GALNT13: variants seen among roughly 807,000 people sequenced by gnomAD.
The protein encoded by GALNT13 is polypeptide N-acetylgalactosaminyltransferase 13.
In GALNT13, 28 loss-of-function variants were observed where a neutral mutation model predicts 64.2. The ratio of observed to expected loss-of-function variants is 0.44; its 90% CI spans 0.32 to 0.60. GALNT13 has a LOEUF of 0.60. GALNT13 is among the 20% of genes least tolerant of loss of function. The probability of loss-of-function intolerance (pLI) is 0.05; values close to 1 mark genes in which losing one functional copy is unlikely to be tolerated. For missense variants in GALNT13, 577 were observed against 669.8 expected (o/e 0.86, Z 1.53); for synonymous variants, 214 against 224.6 (o/e 0.95, Z 0.42).
chr2:154,393,733 C>T (rs1403337868), intron 9 of GALNT13, among the ~76,000 whole-genome samples: 5 of 152,158 alleles, frequency 3.3e-5, no homozygotes, highest in South Asian at 2.1e-4. Context: ...CCATTAGCCA[C>T]TTTTTGCCAA....
At chr2:153,107,269 A>G in the GALNT13 span, among the ~76,000 whole-genome samples, 2 of 152,170 alleles carry the variant, frequency 1.3e-5, no homozygotes, top group African/African-American at 4.8e-5. Context: ...CAGTTGAACA[A>G]TCAGATGTAG....
the GALNT13 span, chr2:153,158,858 C>T: frequency 6.6e-6 from 1 of 152,222 alleles, no homozygotes; most frequent in African/African-American, 2.4e-5. Context: ...TCTACATTAA[C>T]TGAGTTTCTG....
chr2:154,217,507 T>C (rs1688108596), intron 4 of GALNT13, among the ~76,000 whole-genome samples: 1 of 152,170 alleles, frequency 6.6e-6, no homozygotes, highest in African/African-American at 2.4e-5. Context: ...ATACTTTTTG[T>C]TTTGAATGAC....
chr2:153,842,175 G>C, the GALNT13 span, among the ~76,000 whole-genome samples: 21 of 151,986 alleles, frequency 1.4e-4, no homozygotes, highest in Non-Finnish European at 7.4e-5. Context: ...CAGCATCAGA[G>C]AACTAGCAAG....
chr2:153,405,501 A>G, the GALNT13 span, among the ~76,000 whole-genome samples: 1 of 152,206 alleles, frequency 6.6e-6, no homozygotes, highest in South Asian at 2.1e-4. Context: ...AAGGCTCCAC[A>G]GGTATCCTCA....
intron 9 of GALNT13, among the ~76,000 whole-genome samples, chr2:154,332,505 A>C (rs1175086118): frequency 3.9e-5 from 6 of 152,248 alleles, no homozygotes; most frequent in Non-Finnish European, 7.4e-5. Flanking sequence ...TGCATGGTTT[A>C]AAATGAAATT....
At chr2:153,237,818 A>G in the GALNT13 span, among the ~76,000 whole-genome samples, 5 of 152,148 alleles carry the variant, frequency 3.3e-5, no homozygotes, top group Admixed American at 2.6e-4. Flanking sequence ...TCTTTGATAT[A>G]ATAATTTCTT....
chr2:153,277,451 A>T, the GALNT13 span, among the ~76,000 whole-genome samples: 1 of 152,176 alleles, frequency 6.6e-6, no homozygotes, highest in African/African-American at 2.4e-5. Flanking sequence ...TACCCAGTGC[A>T]CCATTGATAG....
the GALNT13 span, among the ~76,000 whole-genome samples, chr2:153,084,134 CTATAGTGTTATAG>C: frequency 2.6e-5 from 4 of 152,156 alleles, no homozygotes; most frequent in Non-Finnish European, 2.9e-5. Flanking sequence ...GTTTTGGTAA[CTATAGTGTTATAG>C]TATAATTTGA....
chr2:153,823,586 A>AC, the GALNT13 span, among the ~76,000 whole-genome samples: 7 of 151,038 alleles, frequency 4.6e-5, no homozygotes, highest in South Asian at 2.1e-4. Flanking sequence ...ATCAAATTAG[A>AC]CCCCCAACCT....
chr2:154,158,634 G>T (rs1169013885), intron 4 of GALNT13, among the ~76,000 whole-genome samples: 1 of 152,130 alleles, frequency 6.6e-6, no homozygotes, highest in African/African-American at 2.4e-5. Flanking sequence ...GCAAGGTACA[G>T]GTGAACCATA....
At chr2:153,587,964 C>T in the GALNT13 span, among the ~76,000 whole-genome samples, 1 of 152,168 alleles carries the variant, frequency 6.6e-6, no homozygotes, top group African/African-American at 2.4e-5. Context: ...TTGGCCAAAA[C>T]AAAGGGGCTA....
At chr2:153,297,494 G>T in the GALNT13 span, among the ~76,000 whole-genome samples, 1 of 152,156 alleles carries the variant, frequency 6.6e-6, no homozygotes, top group Non-Finnish European at 1.5e-5. Flanking sequence ...ACAACAGGGA[G>T]GGAAAAGAAT....
chr2:153,663,661 T>G, the GALNT13 span, among the ~76,000 whole-genome samples: 3 of 152,166 alleles, frequency 2.0e-5, no homozygotes, highest in African/African-American at 7.2e-5. Context: ...GGGGACATCA[T>G]TGTGCTTATG....
At chr2:153,642,299 T>G in the GALNT13 span, among the ~76,000 whole-genome samples, 328 of 152,042 alleles carry the variant, frequency 2.2e-3, 2 homozygotes, top group Admixed American at 3.5e-3. Flanking sequence ...TTTGCTTGTG[T>G]GTGCACATAT....
At chr2:153,722,628 A>G in the GALNT13 span, among the ~76,000 whole-genome samples, 2 of 152,142 alleles carry the variant, frequency 1.3e-5, no homozygotes, top group African/African-American at 2.4e-5. Context: ...GGATATCACC[A>G]CCGATCCCAC....
At chr2:153,711,785 T>C in the GALNT13 span, among the ~76,000 whole-genome samples, 1 of 152,180 alleles carries the variant, frequency 6.6e-6, no homozygotes, top group African/African-American at 2.4e-5. Flanking sequence ...CCATCCCCTC[T>C]ATTATCAGTT....
chr2:153,842,292 C>G, the GALNT13 span, among the ~76,000 whole-genome samples: 1 of 152,084 alleles, frequency 6.6e-6, no homozygotes, highest in Non-Finnish European at 1.5e-5. Context: ...AGTTGAGAGG[C>G]TAAAACATTG....
rs535435142 is a variant in GALNT13 at position 154,068,213 on chromosome 2, T to C, written c.143-72124T>C. 2.0e-5 allele frequency among the ~76,000 whole-genome samples: 3 copies of C among 152,050 alleles called. No individual in the cohort carries two copies. The East Asian group carries it at 5.8e-4, about 30-fold the overall frequency. On this transcript the variant is annotated intron_variant, in intron 3 of 12. Transcript: ENST00000392825. ...CTTCTATCTAAAAGACAGGCAATAG[T>C]AAATTCTGGGGAGGATGAGGACAAA...
Sources: gnomAD v4.1 joint callset for allele counts (sites outside exome capture counted in the v4.1 genomes callset) on GRCh38, gnomAD v4.1.1 for gene constraint, MANE v1.5 for transcripts, NCBI Gene and HGNC (gene_info 2026-07-23, HGNC 2026-07-21) for gene names.